MYOM1: variants seen among roughly 807,000 people sequenced by gnomAD.
MYOM1 encodes the protein myomesin-1.
MYOM1 carries 164 observed loss-of-function variants against 205.3 expected under a neutral mutation model. That is an observed-to-expected ratio of 0.80 (90% confidence interval 0.70 to 0.91). MYOM1 has a LOEUF of 0.91. MYOM1 is among the 40% of genes least tolerant of loss of function. The probability of loss-of-function intolerance (pLI) is 0.00; values close to 1 mark genes in which losing one functional copy is unlikely to be tolerated. For missense variants in MYOM1, 2,011 were observed against 2,127.3 expected (o/e 0.95, Z 1.08); for synonymous variants, 772 against 789.4 (o/e 0.98, Z 0.37).
At chr18:3,177,470 ATTATTATTATTATTATTT>A (rs1405963210) in intron 5 of MYOM1, among the ~76,000 whole-genome samples, 3 of 145,360 alleles carry the variant, frequency 2.1e-5, no homozygotes, top group Non-Finnish European at 4.5e-5. Flanking sequence ...TATTATTATT[ATTATTATTATTATTATTT>A]GAGACAGAGT....
the MYOM1 span, among the ~76,000 whole-genome samples, chr18:3,244,453 G>A: frequency 6.6e-6 from 1 of 152,088 alleles, no homozygotes; most frequent in Non-Finnish European, 1.5e-5. Context: ...AAGTCATAAC[G>A]GTCGGCCCTA....
At chr18:3,099,769 T>A (rs545281530) in intron 25 of MYOM1, among the ~76,000 whole-genome samples, 25 of 152,322 alleles carry the variant, frequency 1.6e-4, no homozygotes, top group African/African-American at 5.5e-4. Flanking sequence ...GATTCTGCTT[T>A]TAAGTGCCAA....
chr18:3,168,698 A>G (rs2080508527), intron 9 of MYOM1, 119 bp downstream of exon 9: 1 of 964,344 alleles, frequency 1.0e-6, no homozygotes, highest in Non-Finnish European at 1.5e-6. Context: ...AAACCTTTTA[A>G]TCGTGTAAAG....
At chr18:3,110,163 G>A (rs7230637) in intron 22 of MYOM1, among the ~76,000 whole-genome samples, 27,409 of 152,112 alleles carry the variant, frequency 0.18, 2,540 homozygotes, top group East Asian at 0.2. Context: ...TGTTTTACAT[G>A]AGCATGAATA....
At chr18:3,148,117 T>G (rs1474575623) in intron 13 of MYOM1, among the ~76,000 whole-genome samples, 1 of 152,184 alleles carries the variant, frequency 6.6e-6, no homozygotes, top group Non-Finnish European at 1.5e-5. Flanking sequence ...CAAGTGGAAC[T>G]CTCACGTAGG....
intron 19 of MYOM1, among the ~76,000 whole-genome samples, chr18:3,122,026 C>T (rs867011628): frequency 2.0e-5 from 3 of 151,878 alleles, no homozygotes; most frequent in African/African-American, 7.3e-5. Flanking sequence ...GGCTGAGGCA[C>T]GGGAATTGTT....
chr18:3,079,575 C>T (rs1309019897), intron 33 of MYOM1, among the ~76,000 whole-genome samples: 1 of 151,794 alleles, frequency 6.6e-6, no homozygotes, highest in African/African-American at 2.4e-5. Context: ...CTCCTCATAG[C>T]AGTCTGAGGC....
chr18:3,128,235 A>G lies in MYOM1; in HGVS notation c.2794+997T>C, dbSNP rs558432698. 7.2e-5 allele frequency among the ~76,000 whole-genome samples: 11 copies of G among 152,324 alleles called. No individual in the cohort carries two copies. The South Asian group carries it at 2.1e-3, about 29-fold the overall frequency. On this transcript the variant is annotated intron_variant, in intron 18 of 37. Coordinates refer to ENST00000356443, the MANE Select transcript of MYOM1 (RefSeq NM_003803.4). ...TCTCTCTCTCCCTCTATTTCAGAGC[A>G]TTGTTGAATATGTGCTCTCAAATGA...
Position 3,129,377 on chromosome 18 carries a change from T to C in MYOM1, c.2649A>G (p.Ser883=), listed in dbSNP as rs751647620. 6.2e-7 allele frequency: 1 copy of C among 1,613,964 alleles called. No homozygotes were observed. The highest frequency in any genetic ancestry group is 2.2e-5 in the East Asian group (1 of 44,872). ...ALLGSKPNKP[S]LPSSSQNLGQ... ...CCAGGTTTTGAGAGCTACTGGGTAGTGAAGGTTTGTTAGGTTTGCTGCCAA... is the reference window on the plus strand; with the variant it reads ...CCAGGTTTTGAGAGCTACTGGGTAGCGAAGGTTTGTTAGGTTTGCTGCCAA... The change falls in exon 18 of 38, where the codon TCA becomes TCG. Residue 883 remains serine, a synonymous_variant. Transcript: ENST00000356443.
chr18:3,075,898 T>C (rs2079016947), intron 34 of MYOM1, 137 bp from the exon 35 acceptor site: 3 of 735,328 alleles, frequency 4.1e-6, no homozygotes, highest in Non-Finnish European at 7.0e-6. Context: ...ACTGTGCTTA[T>C]GTGTTCACTC....
chr18:3,162,004 A>G (rs1185239868), intron 10 of MYOM1, among the ~76,000 whole-genome samples: 1 of 152,186 alleles, frequency 6.6e-6, no homozygotes, highest in Admixed American at 6.5e-5. Flanking sequence ...TACAGTTCTA[A>G]TCATAGACCT....
intron 9 of MYOM1, among the ~76,000 whole-genome samples, chr18:3,165,061 G>A (rs2080448459): frequency 1.3e-5 from 2 of 152,112 alleles, no homozygotes; most frequent in African/African-American, 2.4e-5. Flanking sequence ...TACTGGAGCT[G>A]TTAAAAAAGT....
At chr18:3,147,911 GA>G (rs1158465925) in intron 13 of MYOM1, among the ~76,000 whole-genome samples, 4 of 152,100 alleles carry the variant, frequency 2.6e-5, no homozygotes, top group East Asian at 3.9e-4. Flanking sequence ...TTTCCAGGGG[GA>G]AAAAAACAGG....
chr18:3,197,607 C>T (rs929442197), intron 2 of MYOM1, among the ~76,000 whole-genome samples: 14 of 152,126 alleles, frequency 9.2e-5, no homozygotes, highest in African/African-American at 3.4e-4. Flanking sequence ...GGCGCGGTGG[C>T]TCACGCCTGT....
chr18:3,087,772 G>A (rs1347654654), intron 29 of MYOM1, among the ~76,000 whole-genome samples: 2 of 152,130 alleles, frequency 1.3e-5, no homozygotes, highest in African/African-American at 4.8e-5. Context: ...TTACAGGCAT[G>A]AGCCACCGCT....
chr18:3,135,639 T>C lies in MYOM1; in HGVS notation c.2117A>G (p.Lys706Arg), dbSNP rs776856763. ...RFALFDLAEG[K>R]SYCFRVRCSN... The stretch of plus-strand genomic sequence containing the variant: ...ACAGCGGACACGGAAACAGTAGGAT[T>C]TCCCCTCGGCCAAGTCAAACAGAGC... Residue 706 changes from lysine (K) to arginine (R), a missense_variant, in exon 15 of 38, where the codon AAA becomes AGA. Coordinates refer to ENST00000356443, the MANE Select transcript of MYOM1 (RefSeq NM_003803.4). This position sits in a 1 kb window ranked among gnomAD's most constrained non-coding sequence, Gnocchi z 4.1. The C allele has an allele frequency of 6.2e-7, 1 of 1,613,942 alleles. No individual in the cohort carries two copies. Among genetic ancestry groups the C allele is most frequent in the Non-Finnish European group, 8.5e-7 (1 of 1,179,886 alleles).
Position 3,212,765 on chromosome 18 carries a change from C to T in MYOM1, c.290+2169G>A, listed in dbSNP as rs565974650. On this transcript the variant is annotated intron_variant, in intron 2 of 37. Coordinates refer to ENST00000356443, the MANE Select transcript of MYOM1 (RefSeq NM_003803.4). ...TAAATGAGGTTCTTAAGCATATCTGCAGAACGTTTTTCAGGGAAACAAATT... is the reference window on the plus strand; with the variant it reads ...TAAATGAGGTTCTTAAGCATATCTGTAGAACGTTTTTCAGGGAAACAAATT... Among the ~76,000 whole-genome samples the T allele has an allele frequency of 5.3e-5, 8 of 152,168 alleles. No homozygotes were observed. The South Asian group carries it at 1.2e-3, about 24-fold the overall frequency.
intron 29 of MYOM1, among the ~76,000 whole-genome samples, chr18:3,086,572 T>C (rs1567897876): frequency 7.1e-6 from 1 of 141,268 alleles, no homozygotes; most frequent in African/African-American, 2.8e-5. Flanking sequence ...CGCCAATCTA[T>C]ATCTAAAAGT....
rs2080235846 is a variant in MYOM1, at chr18:3,152,496, C to A, written c.1644-603G>T. On this transcript the variant is annotated intron_variant, in intron 11 of 37. Transcript: ENST00000356443. The surrounding 1 kb of genome is among the most constrained non-coding windows in gnomAD (Gnocchi z 4.3). ...GGGAGATGCCCAGTCCTGGCAGGGG[C>A]AGATTGAGTGGGTACTTGGAAACAC... Among the ~76,000 whole-genome samples, 1 of 152,066 alleles carries A rather than the reference C, an allele frequency of 6.6e-6. No individual in the cohort carries two copies. Among genetic ancestry groups the A allele is most frequent in the African/African-American group, 2.4e-5 (1 of 41,398 alleles).
Sources: allele counts gnomAD v4.1 joint callset (sites outside exome capture counted in the v4.1 genomes callset), GRCh38; gene constraint gnomAD v4.1.1; non-coding constraint Gnocchi (gnomAD v3.1); transcripts MANE v1.5; gene names NCBI Gene and HGNC (gene_info 2026-07-23, HGNC 2026-07-21).